Variants in APBB2 observed in about 807,000 individuals in gnomAD.
The protein encoded by APBB2 is amyloid beta precursor protein binding family B member 2, also known as Fe65-like 1.
Under a neutral mutation model 82.5 loss-of-function variants are expected in APBB2, and 38 were observed. The observed-to-expected ratio is 0.46, with a 90% CI of 0.36 to 0.60. The LOEUF is 0.60. Ranked by LOEUF, APBB2 falls within the 20% of genes least tolerant of loss-of-function variation. The probability of loss-of-function intolerance (pLI) is 0.00; values close to 1 mark genes in which losing one functional copy is unlikely to be tolerated. For synonymous variants in APBB2, 341 were observed against 368.2 expected (o/e 0.93, Z 0.85); for missense variants, 772 against 972.3 (o/e 0.79, Z 2.74).
At chr4:40,881,286 T>C (rs1308100016) in intron 12 of APBB2, 3 of 985,126 alleles carry the variant, frequency 3.0e-6, no homozygotes, top group Non-Finnish European at 1.2e-6. Flanking sequence ...GCACATACCA[T>C]AGATTAAACT....
chr4:41,054,522 T>G (rs1027542844), intron 4 of APBB2, among the ~76,000 whole-genome samples: 1 of 151,984 alleles, frequency 6.6e-6, no homozygotes, highest in Non-Finnish European at 1.5e-5. Flanking sequence ...CCATTTTGAG[T>G]CTCCATCTTG....
chr4:40,912,143 G>A (rs1407429042), intron 10 of APBB2, among the ~76,000 whole-genome samples: 1 of 152,224 alleles, frequency 6.6e-6, no homozygotes, highest in African/African-American at 2.4e-5. Context: ...TTATGGAAGA[G>A]TGGGATGGGA....
chr4:41,137,151 G>T (rs1368539498), intron 2 of APBB2, among the ~76,000 whole-genome samples: 1 of 151,934 alleles, frequency 6.6e-6, no homozygotes, highest in Non-Finnish European at 1.5e-5. Flanking sequence ...CCAAACACAC[G>T]CAAGACATTT....
chr4:41,173,334 C>T (rs1235594660), intron 1 of APBB2, among the ~76,000 whole-genome samples: 4 of 152,292 alleles, frequency 2.6e-5, no homozygotes, highest in African/African-American at 9.6e-5. Flanking sequence ...TACACTGTAA[C>T]AGCAGCTAAA....
intron 7 of APBB2, among the ~76,000 whole-genome samples, chr4:40,940,659 T>A (rs1022764168): frequency 1.2e-4 from 19 of 152,294 alleles, no homozygotes; most frequent in Admixed American, 1.2e-3. Flanking sequence ...TGTGAGCACT[T>A]CATAAGAACA....
At chr4:41,140,986 G>A (rs1234648327) in intron 2 of APBB2, among the ~76,000 whole-genome samples, 1 of 152,184 alleles carries the variant, frequency 6.6e-6, no homozygotes, top group Non-Finnish European at 1.5e-5. Context: ...GAAATAAAGT[G>A]TACAATAAAT....
At chr4:41,177,678 T>C (rs1770196003) in intron 1 of APBB2, 1 of 152,186 alleles carries the variant, frequency 6.6e-6, no homozygotes, top group South Asian at 2.1e-4. Context: ...CTGGGAAGTT[T>C]CAGTTTCCCT....
intron 6 of APBB2, among the ~76,000 whole-genome samples, chr4:41,008,843 C>T (rs1807525417): frequency 6.6e-6 from 1 of 152,216 alleles, no homozygotes; most frequent in Non-Finnish European, 1.5e-5. Flanking sequence ...AGAGCCTATG[C>T]TCTTAATGAT....
At chr4:41,070,732 T>TA in intron 3 of APBB2, among the ~76,000 whole-genome samples, 1 of 152,268 alleles carries the variant, frequency 6.6e-6, no homozygotes, top group African/African-American at 2.4e-5. Context: ...TCTGAACTGT[T>TA]AAAAAATAAC....
At chr4:40,848,308 C>G (rs1758262541) in intron 12 of APBB2, among the ~76,000 whole-genome samples, 1 of 152,256 alleles carries the variant, frequency 6.6e-6, no homozygotes, top group Admixed American at 6.5e-5. Context: ...ACACAATAAC[C>G]TTGCAGGGGG....
chr4:40,816,891 G>A (rs1001380840), intron 17 of APBB2, among the ~76,000 whole-genome samples: 1 of 152,046 alleles, frequency 6.6e-6, no homozygotes, highest in Non-Finnish European at 1.5e-5. Context: ...AAAAAGATGA[G>A]GTATTAAGAT....
chr4:40,921,571 G>A (rs560806763), intron 10 of APBB2, among the ~76,000 whole-genome samples: 1 of 152,268 alleles, frequency 6.6e-6, no homozygotes, highest in African/African-American at 2.4e-5. Flanking sequence ...ACCAAAACAC[G>A]GTGAGATGCA....
At chr4:41,048,951 T>G (rs1017660090) in intron 4 of APBB2, among the ~76,000 whole-genome samples, 1 of 152,168 alleles carries the variant, frequency 6.6e-6, no homozygotes, top group African/African-American at 2.4e-5. Flanking sequence ...AGACGGAGTC[T>G]CGTTCACTCA....
At chr4:41,203,632 C>T (rs1777240744) in intron 1 of APBB2, among the ~76,000 whole-genome samples, 1 of 152,140 alleles carries the variant, frequency 6.6e-6, no homozygotes, top group Non-Finnish European at 1.5e-5. Context: ...GCCACGAATA[C>T]AGAGACCACT....
chr4:40,890,573 G>T, intron 11 of APBB2, 82 bp from the exon 12 acceptor site: 1 of 1,551,416 alleles, frequency 6.4e-7, no homozygotes, highest in East Asian at 2.3e-5. Context: ...TAGGAATGCC[G>T]TGTCAACCAT....
chr4:40,986,094 C>T (rs1800350783), intron 6 of APBB2, among the ~76,000 whole-genome samples: 1 of 152,130 alleles, frequency 6.6e-6, no homozygotes, highest in African/African-American at 2.4e-5. Flanking sequence ...CACAAGAAAG[C>T]CAAAAACTTG....
At chr4:40,881,275 A>AGCACATAC in intron 12 of APBB2, 1 of 985,370 alleles carries the variant, frequency 1.0e-6, no homozygotes, top group Non-Finnish European at 1.2e-6. Flanking sequence ...GAGGCAAGAC[A>AGCACATAC]GCACATACCA....
At chr4:41,065,230 A>G (rs939289217) in intron 4 of APBB2, among the ~76,000 whole-genome samples, 1 of 152,036 alleles carries the variant, frequency 6.6e-6, no homozygotes, top group Non-Finnish European at 1.5e-5. Flanking sequence ...AGCTACAGTG[A>G]GCTGTGTTCA....
Position 40,890,402 on chromosome 4 carries a change from G to T in APBB2, c.1491C>A (p.Val497=). ...GGCCCACGCCCCACACGCGGATGCTGACGATGGGCTGCGAGTGCAGCACGC... is the reference window on the plus strand; with the variant it reads ...GGCCCACGCCCCACACGCGGATGCTTACGATGGGCTGCGAGTGCAGCACGC... ...DRSVLHSQPI[V]SIRVWGVGRD... Residue 497 remains valine, a synonymous_variant, in exon 12 of 18, where the codon GTC becomes GTA. Transcript: ENST00000508593. 6.2e-7 allele frequency: 1 copy of T among 1,613,888 alleles called. No individual in the cohort carries two copies. The highest frequency in any genetic ancestry group is 8.5e-7 in the Non-Finnish European group (1 of 1,180,026).
Sources: allele counts gnomAD v4.1 joint callset (sites outside exome capture counted in the v4.1 genomes callset), GRCh38; gene constraint gnomAD v4.1.1; transcripts MANE v1.5; gene names NCBI Gene and HGNC (gene_info 2026-07-23, HGNC 2026-07-21).